The following RAD54B variants were observed in gnomAD, a reference collection of about 807,000 sequenced individuals.
RAD54B encodes DNA repair and recombination protein RAD54B.
A neutral mutation model predicts 95.8 loss-of-function variants in RAD54B; 78 were observed. The ratio of observed to expected loss-of-function variants is 0.81; its 90% CI spans 0.68 to 0.98. The LOEUF (loss-of-function observed/expected upper bound fraction) is 0.98. Ranked by LOEUF, RAD54B falls within the 50% of genes least tolerant of loss-of-function variation. RAD54B has a pLI of 0.00. For synonymous variants in RAD54B, 328 were observed against 354.9 expected, an observed-to-expected ratio of 0.92 and a Z score of 0.85; for missense variants, 957 against 1,056.6, an observed-to-expected ratio of 0.91 and a Z score of 1.31.
In RAD54B at chr8:94,400,269, C is replaced by A. The variant is rs1178505247; in HGVS notation, c.1139G>T (p.Ser380Ile). The change falls in exon 7 of 15, where the codon AGT becomes ATT. Residue 380 changes from serine (S) to isoleucine (I), a missense_variant. Coordinates refer to ENST00000336148, the MANE Select transcript of RAD54B (RefSeq NM_012415.3). ...WKKEFQKWLG[S>I]ERIKIFTVDQ... ...AACAGTAAATATCTTGATCCTTTCACTTCCTAGCCATTTTTGAAATTCTTT... is the reference window on the plus strand; with the variant it reads ...AACAGTAAATATCTTGATCCTTTCAATTCCTAGCCATTTTTGAAATTCTTT... 1 of 1,613,668 alleles carries A rather than the reference C, an allele frequency of 6.2e-7. No individual in the cohort carries two copies. Among genetic ancestry groups the A allele is most frequent in the Admixed American group, 1.7e-5 (1 of 59,948 alleles).
chr8:94,386,538 A>G (rs1465408075), intron 11 of RAD54B, among the ~76,000 whole-genome samples: 1 of 152,122 alleles, frequency 6.6e-6, no homozygotes, highest in Non-Finnish European at 1.5e-5. Flanking sequence ...TAAAATATAT[A>G]TAGTCATCAC....
intron 2 of RAD54B, among the ~76,000 whole-genome samples, chr8:94,459,985 G>A (rs560758762): frequency 3.3e-5 from 5 of 150,038 alleles, no homozygotes; most frequent in South Asian, 2.1e-4. Flanking sequence ...GGTGAAACCC[G>A]GTCTCTACTA....
At chr8:94,378,446 T>A in intron 13 of RAD54B, 66 bp from the exon 14 acceptor site, 1 of 1,492,802 alleles carries the variant, frequency 6.7e-7, no homozygotes, top group East Asian at 2.3e-5. Context: ...TTGGGTATAA[T>A]GTTTAGTAAC....
At chr8:94,407,867 T>TAA (rs34980964) in intron 4 of RAD54B, 147 bp from the exon 5 acceptor site, 160 of 552,258 alleles carry the variant, frequency 2.9e-4, no homozygotes, top group East Asian at 2.8e-3. Flanking sequence ...ACATTTTGGT[T>TAA]AAAAAAAACA....
chr8:94,464,012 C>A (rs1259408826), intron 2 of RAD54B, among the ~76,000 whole-genome samples: 1 of 150,822 alleles, frequency 6.6e-6, no homozygotes, highest in Non-Finnish European at 1.5e-5. Context: ...AAAGTGGAAA[C>A]AACCCAAATG....
At chr8:94,419,352 G>A (rs1197143326) in intron 3 of RAD54B, among the ~76,000 whole-genome samples, 3 of 151,836 alleles carry the variant, frequency 2.0e-5, no homozygotes, top group South Asian at 2.1e-4. Flanking sequence ...TACTAAAAAT[G>A]CAAACATTAG....
intron 5 of RAD54B, among the ~76,000 whole-genome samples, chr8:94,404,828 T>C (rs1586141124): frequency 6.6e-6 from 1 of 152,256 alleles, no homozygotes; most frequent in East Asian, 1.9e-4. Context: ...AGCTTTTTTT[T>C]CTGGGGACAG....
At chr8:94,390,030 T>C (rs891944292) in intron 10 of RAD54B, among the ~76,000 whole-genome samples, 72 of 152,274 alleles carry the variant, frequency 4.7e-4, no homozygotes, top group African/African-American at 1.7e-3. Context: ...TTTATCACTG[T>C]ATATAGAATC....
chr8:94,380,265 T>C lies in RAD54B; in HGVS notation c.2127A>G (p.Gln709=), dbSNP rs1196421478. The C allele has an allele frequency of 1.9e-6, 3 of 1,613,980 alleles. No homozygotes were observed. Among genetic ancestry groups the C allele is most frequent in the Admixed American group, 1.7e-5 (1 of 60,006 alleles). The change falls in exon 12 of 15, where the codon CAA becomes CAG. Residue 709 remains glutamine (Q), a synonymous_variant. Transcript: ENST00000336148. ...ACAAAAAAATAAAAAAAGAAGAGTG[T>C]TGACTGTTAAAGCCATCAACAATCT... ...RQQIVDGFNS[Q]HSSFFIFLLS... is the part of the protein sequence containing the mutation.
chr8:94,390,148 T>C lies in RAD54B; in HGVS notation c.1809+1461A>G, dbSNP rs185035070. Among the ~76,000 whole-genome samples the C allele has an allele frequency of 1.7e-3, 261 of 152,100 alleles. 3 individuals carry two copies. Among genetic ancestry groups the C allele is most frequent in the African/African-American group, 6.1e-3 (253 of 41,492 alleles). On this transcript the variant is annotated intron_variant, in intron 10 of 14. Transcript: ENST00000336148. ...TGAGCTCAGGAGTTCGAGACCAGCC[T>C]GGGCAATAGAGTGAGACCCCATCTC...
chr8:94,443,236 C>T (rs148525389), intron 3 of RAD54B, among the ~76,000 whole-genome samples: 15 of 152,234 alleles, frequency 9.9e-5, no homozygotes, highest in African/African-American at 2.9e-4. Context: ...GACCAAATAT[C>T]GCATGTTCTC....
At chr8:94,420,469 A>G (rs1204326375) in intron 3 of RAD54B, among the ~76,000 whole-genome samples, 1 of 151,504 alleles carries the variant, frequency 6.6e-6, no homozygotes, top group African/African-American at 2.4e-5. Flanking sequence ...CATTTTGCCC[A>G]GGCTGGTGTC....
At chr8:94,393,908 A>G (rs1360630567) in intron 8 of RAD54B, 26 bp from the exon 9 acceptor site, 1 of 1,558,684 alleles carries the variant, frequency 6.4e-7, no homozygotes, top group South Asian at 1.2e-5. Flanking sequence ...AATGAGTAAA[A>G]GGTCAAGTTT....
chr8:94,436,784 G>T, intron 3 of RAD54B: 1 of 1,550,130 alleles, frequency 6.5e-7, no homozygotes. Context: ...TGTTCTTCGA[G>T]AATTTTCACA....
intron 3 of RAD54B, chr8:94,436,663 CGTAG>C (rs1563657065): frequency 6.4e-7 from 1 of 1,550,500 alleles, no homozygotes; most frequent in Non-Finnish European, 8.7e-7. Flanking sequence ...ATAAAGGGTG[CGTAG>C]GCCCTGTGCT....
intron 3 of RAD54B, among the ~76,000 whole-genome samples, chr8:94,445,381 G>A (rs1420265933): frequency 6.6e-6 from 1 of 152,148 alleles, no homozygotes; most frequent in Non-Finnish European, 1.5e-5. Context: ...CCAGCCCTTT[G>A]TAATTTTCAC....
chr8:94,436,658 G>A, intron 3 of RAD54B: 6 of 1,550,532 alleles, frequency 3.9e-6, no homozygotes, highest in Non-Finnish European at 5.2e-6. Context: ...CTTTTATAAA[G>A]GGTGCGTAGG....
chr8:94,377,467 C>T (rs1028185823), intron 14 of RAD54B, among the ~76,000 whole-genome samples: 3 of 138,208 alleles, frequency 2.2e-5, no homozygotes, highest in South Asian at 2.5e-4. Flanking sequence ...ACCCAGGAGG[C>T]GGAGGTTGCA....
Position 94,380,130 on chromosome 8 carries a change from C to A in RAD54B, c.2247+15G>T. 6.3e-7 allele frequency: 1 copy of A among 1,591,736 alleles called. No homozygotes were observed. The highest frequency in any genetic ancestry group is 1.7e-5 in the Admixed American group (1 of 58,502). The stretch of plus-strand genomic sequence containing the variant: ...GGCATTCAATAATATCTATTTAATG[C>A]ATAAATATTCCTACCTGAATGTCAG... On this transcript the variant is annotated intron_variant, in intron 12 of 14. Transcript: ENST00000336148.
Sources: gnomAD v4.1 joint callset for allele counts (sites outside exome capture counted in the v4.1 genomes callset) on GRCh38, gnomAD v4.1.1 for gene constraint, MANE v1.5 for transcripts, NCBI Gene and HGNC (gene_info 2026-07-23, HGNC 2026-07-21) for gene names.